The following CCDC178 variants were observed in gnomAD, a reference collection of about 807,000 sequenced individuals.
CCDC178 encodes coiled-coil domain-containing protein 178.
CCDC178 carries 126 observed loss-of-function variants against 117.4 expected under a neutral mutation model. The observed-to-expected ratio is 1.07, with a 90% CI of 0.93 to 1.24. CCDC178 has a LOEUF of 1.24. CCDC178 is among the 50% of genes most tolerant of loss of function. The probability of loss-of-function intolerance (pLI) is 0.00; values close to 1 mark genes in which losing one functional copy is unlikely to be tolerated. For synonymous variants in CCDC178, 283 were observed against 313.4 expected, an observed-to-expected ratio of 0.90 and a Z score of 1.02; for missense variants, 1,030 against 986.9, an observed-to-expected ratio of 1.04 and a Z score of -0.59.
intron 20 of CCDC178, among the ~76,000 whole-genome samples, chr18:33,173,426 T>A (rs1038427201): frequency 1.3e-5 from 2 of 152,206 alleles, no homozygotes; most frequent in Non-Finnish European, 1.5e-5. Context: ...TGAGCAATGC[T>A]ATTTTGACCT....
At chr18:33,262,219 G>C (rs985960353) in intron 14 of CCDC178, among the ~76,000 whole-genome samples, 10 of 152,254 alleles carry the variant, frequency 6.6e-5, no homozygotes, top group Admixed American at 6.5e-4. Flanking sequence ...ATATTTGCCT[G>C]ATAATTTAAA....
chr18:33,336,648 T>A (rs1342854082), intron 9 of CCDC178, among the ~76,000 whole-genome samples: 1 of 152,072 alleles, frequency 6.6e-6, no homozygotes, highest in Non-Finnish European at 1.5e-5. Flanking sequence ...ATAAAACACT[T>A]GAACAGCACT....
At chr18:33,184,126 T>A (rs1469043871) in intron 20 of CCDC178, among the ~76,000 whole-genome samples, 1 of 152,102 alleles carries the variant, frequency 6.6e-6, no homozygotes, top group Non-Finnish European at 1.5e-5. Flanking sequence ...ATGTTTAGAT[T>A]TGTTTTTTAG....
chr18:33,056,597 GA>G (rs2056833938), intron 21 of CCDC178, among the ~76,000 whole-genome samples: 1 of 152,164 alleles, frequency 6.6e-6, no homozygotes, highest in Admixed American at 6.5e-5. Context: ...TGAGAAGATT[GA>G]GAAATATTGA....
chr18:33,291,053 C>T (rs907245122), intron 12 of CCDC178, among the ~76,000 whole-genome samples: 2 of 152,004 alleles, frequency 1.3e-5, no homozygotes, highest in African/African-American at 4.8e-5. Flanking sequence ...GCGAGAAAAA[C>T]AACCCTAAAT....
chr18:33,119,244 A>C (rs1035914302), intron 20 of CCDC178, among the ~76,000 whole-genome samples: 1 of 152,210 alleles, frequency 6.6e-6, no homozygotes, highest in Non-Finnish European at 1.5e-5. Context: ...CATCAGAGTG[A>C]ACAGGCAACC....
chr18:33,055,190 C>A (rs566581325), intron 21 of CCDC178, among the ~76,000 whole-genome samples: 4 of 152,170 alleles, frequency 2.6e-5, no homozygotes, highest in Admixed American at 2.0e-4. Flanking sequence ...GATGAACACA[C>A]TGAAACAATT....
At chr18:33,403,372 C>CA (rs1006460224) in intron 3 of CCDC178, among the ~76,000 whole-genome samples, 29 of 151,856 alleles carry the variant, frequency 1.9e-4, no homozygotes, top group African/African-American at 7.0e-4. Flanking sequence ...GCTAAATTAA[C>CA]AACTACAAAA....
chr18:33,021,239 T>C (rs72941593), intron 21 of CCDC178, among the ~76,000 whole-genome samples: 3,033 of 152,352 alleles, frequency 0.02, 39 homozygotes, highest in Non-Finnish European at 0.033. Flanking sequence ...TTGCATATCT[T>C]CTTGCAGATG....
intron 21 of CCDC178, among the ~76,000 whole-genome samples, chr18:33,017,656 G>T (rs2056019740): frequency 6.6e-6 from 1 of 151,992 alleles, no homozygotes. Flanking sequence ...AAAGAACAAA[G>T]TTGGAGGACT....
chr18:33,062,400 C>T (rs890208056), intron 21 of CCDC178, among the ~76,000 whole-genome samples: 4 of 152,212 alleles, frequency 2.6e-5, no homozygotes, highest in Non-Finnish European at 4.4e-5. Context: ...GACCAAACAG[C>T]GAACAGGTAA....
intron 21 of CCDC178, among the ~76,000 whole-genome samples, chr18:32,985,200 A>AC (rs1405839133): frequency 2.0e-5 from 3 of 151,938 alleles, no homozygotes; most frequent in Non-Finnish European, 2.9e-5. Flanking sequence ...CATTATAAAT[A>AC]CCCCCAGCAT....
chr18:33,215,750 T>A, intron 18 of CCDC178, 55 bp from the exon 19 acceptor site: 2 of 1,286,968 alleles, frequency 1.6e-6, no homozygotes, highest in Non-Finnish European at 2.1e-6. Flanking sequence ...TTCAAATCCC[T>A]GCTATTTAGG....
intron 21 of CCDC178, among the ~76,000 whole-genome samples, chr18:33,028,517 G>GT (rs1433074595): frequency 2.6e-5 from 4 of 151,580 alleles, no homozygotes; most frequent in Non-Finnish European, 5.9e-5. Flanking sequence ...GCTATTATAT[G>GT]TTTTTTAAAA....
rs965409990 is a variant in CCDC178 at position 33,266,764 on chromosome 18, A to T, written c.1409+152T>A. 7.7e-6 allele frequency: 6 copies of T among 779,448 alleles called. No individual in the cohort carries two copies. The Admixed American group carries it at 1.8e-4, about 24-fold the overall frequency. 48.3% of individuals were successfully genotyped at this position (779,448 alleles called of 1,614,324 possible). On this transcript the variant is annotated intron_variant, in intron 14 of 22. Coordinates refer to ENST00000383096, the MANE Select transcript of CCDC178 (RefSeq NM_001105528.4). Reference sequence around the variant, plus strand: ...GACTTTTCAAAGGGAACCCAGAGTGACTAAAGGCAACATTTTGAATAGAAC... The same window carrying T: ...GACTTTTCAAAGGGAACCCAGAGTGTCTAAAGGCAACATTTTGAATAGAAC...
At chr18:33,013,951 A>T (rs1458004704) in intron 21 of CCDC178, among the ~76,000 whole-genome samples, 1 of 152,230 alleles carries the variant, frequency 6.6e-6, no homozygotes, top group African/African-American at 2.4e-5. Flanking sequence ...CCCTTCATGA[A>T]AGCAAAATTT....
At chr18:33,430,918 C>G (rs985192741) in intron 2 of CCDC178, among the ~76,000 whole-genome samples, 1 of 151,374 alleles carries the variant, frequency 6.6e-6, no homozygotes, top group Non-Finnish European at 1.5e-5. Context: ...TAAAAACACA[C>G]AAAAAAATTA....
Position 33,348,876 on chromosome 18 carries a change from AG to A in CCDC178, c.457+13del, listed in dbSNP as rs1319837499. 1 of 1,543,984 alleles carries A rather than the reference AG, an allele frequency of 6.5e-7. No individual in the cohort carries two copies. Among genetic ancestry groups the A allele is most frequent in the South Asian group, 1.1e-5 (1 of 89,304 alleles). ...AAATATATACAGTTATTCAAGTAGG[AG>A]GAACAACTTTACCTCTCTTTTCTCC... On this transcript the variant is annotated intron_variant, in intron 8 of 22. Transcript: ENST00000383096.
At chr18:33,345,798 A>G (rs1264782415) in intron 9 of CCDC178, among the ~76,000 whole-genome samples, 1 of 152,174 alleles carries the variant, frequency 6.6e-6, no homozygotes, top group Non-Finnish European at 1.5e-5. Flanking sequence ...CTTCAATAAC[A>G]TCTTTCAAAA....
Sources: allele counts gnomAD v4.1 joint callset (sites outside exome capture counted in the v4.1 genomes callset), GRCh38; gene constraint gnomAD v4.1.1; transcripts MANE v1.5; gene names NCBI Gene and HGNC (gene_info 2026-07-23, HGNC 2026-07-21).